Variants in ARID4B observed in about 807,000 individuals in gnomAD.
The protein encoded by ARID4B is AT-rich interactive domain-containing protein 4B.
ARID4B carries 26 observed loss-of-function variants against 147.5 expected under a neutral mutation model. The observed-to-expected ratio is 0.18, with a 90% CI of 0.13 to 0.24. The LOEUF is 0.24. Among genes scored for constraint, ARID4B ranks in the 10% least tolerant of loss-of-function variants. The probability of loss-of-function intolerance (pLI) is 1.00; values close to 1 mark genes in which losing one functional copy is unlikely to be tolerated. For synonymous variants in ARID4B, 512 were observed against 507.9 expected, an observed-to-expected ratio of 1.01 and a Z score of -0.11; for missense variants, 1,179 against 1,511.5, an observed-to-expected ratio of 0.78 and a Z score of 3.65.
intron 8 of ARID4B, among the ~76,000 whole-genome samples, chr1:235,237,639 ATT>A (rs987511378): frequency 4.6e-5 from 7 of 152,222 alleles, no homozygotes; most frequent in African/African-American, 1.4e-4. Flanking sequence ...TTTCTTTTTC[ATT>A]TGAGACCATG....
intron 2 of ARID4B, among the ~76,000 whole-genome samples, chr1:235,299,744 G>T (rs1197766192): frequency 6.6e-6 from 1 of 152,142 alleles, no homozygotes; most frequent in Non-Finnish European, 1.5e-5. Context: ...CAAGTTAGGG[G>T]GTTGGTCTAT....
intron 8 of ARID4B, among the ~76,000 whole-genome samples, chr1:235,236,833 A>ATATATATATATATATATATATGTATAT (rs1668597409): frequency 3.0e-5 from 1 of 33,520 alleles, no homozygotes; most frequent in African/African-American, 1.5e-4. Context: ...TTTTATAAAA[A>ATATATATATATATATATATATGTATAT]ATATATATAT....
At chr1:235,306,288 G>C (rs1673553841) in intron 2 of ARID4B, among the ~76,000 whole-genome samples, 1 of 152,102 alleles carries the variant, frequency 6.6e-6, no homozygotes, top group Non-Finnish European at 1.5e-5. Flanking sequence ...CAGATCACAA[G>C]GTCAGAAGAT....
At chr1:235,236,833 A>AAAAT (rs1175189621) in intron 8 of ARID4B, among the ~76,000 whole-genome samples, 8 of 33,518 alleles carry the variant, frequency 2.4e-4, no homozygotes, top group East Asian at 1.5e-3. Context: ...TTTTATAAAA[A>AAAAT]ATATATATAT....
At chr1:235,275,196 A>G (rs1031887852) in intron 2 of ARID4B, among the ~76,000 whole-genome samples, 8 of 152,218 alleles carry the variant, frequency 5.3e-5, no homozygotes, top group Non-Finnish European at 1.0e-4. Context: ...ACAAGTATCA[A>G]TTACAAGTTA....
chr1:235,246,584 A>G, intron 6 of ARID4B, 73 bp from the exon 7 acceptor site: 1 of 1,006,054 alleles, frequency 9.9e-7, no homozygotes, highest in Admixed American at 1.8e-5. Flanking sequence ...AACCAAATCA[A>G]TTTAAGAATA....
chr1:235,318,167 CCTTT>C (rs1417748336), intron 2 of ARID4B, among the ~76,000 whole-genome samples: 1 of 143,966 alleles, frequency 6.9e-6, no homozygotes, highest in East Asian at 2.0e-4. Context: ...ACTTGCTACT[CCTTT>C]TTTTTTTTTT....
At chr1:235,226,744 G>A (rs1243218600) in intron 11 of ARID4B, among the ~76,000 whole-genome samples, 1 of 152,082 alleles carries the variant, frequency 6.6e-6, no homozygotes, top group Admixed American at 6.5e-5. Flanking sequence ...GGATGGTCTC[G>A]ATCTCCTGAC....
In ARID4B at chr1:235,182,222, T is replaced by C. The variant is rs762008718; in HGVS notation, c.2697A>G (p.Ser899=). Residue 899 remains serine (S), a synonymous_variant, in exon 20 of 24, where the codon TCA becomes TCG. Coordinates refer to ENST00000264183, the MANE Select transcript of ARID4B (RefSeq NM_016374.6). The part of the protein sequence containing the change: ...LRTTGFYSGF[S]EVAEKRIKLL... ...GTTTAATCCTTTTTTCTGCCACTTC[T>C]GAAAATCCTGAATAGAAACCAGTTG... The C allele has an allele frequency of 6.2e-7, 1 of 1,613,526 alleles. No individual in the cohort carries two copies. The highest frequency in any genetic ancestry group is 8.5e-7 in the Non-Finnish European group (1 of 1,179,900).
At chr1:235,307,706 G>A (rs1673680461) in intron 2 of ARID4B, among the ~76,000 whole-genome samples, 1 of 152,146 alleles carries the variant, frequency 6.6e-6, no homozygotes, top group East Asian at 1.9e-4. Flanking sequence ...CAGGCTATAT[G>A]GGCCACAGTG....
intron 9 of ARID4B, among the ~76,000 whole-genome samples, chr1:235,232,914 G>A (rs982741244): frequency 1.3e-5 from 2 of 151,530 alleles, no homozygotes; most frequent in African/African-American, 2.4e-5. Context: ...TTCTGCTCAC[G>A]GCACCCTCCA....
intron 17 of ARID4B, among the ~76,000 whole-genome samples, chr1:235,201,509 A>G (rs1558195487): frequency 6.6e-6 from 1 of 152,078 alleles, no homozygotes; most frequent in Non-Finnish European, 1.5e-5. Context: ...TATTTTGTAG[A>G]GAGAGGGTGT....
At chr1:235,296,675 G>A (rs1162593524) in intron 2 of ARID4B, among the ~76,000 whole-genome samples, 3 of 150,828 alleles carry the variant, frequency 2.0e-5, no homozygotes, top group African/African-American at 7.3e-5. Flanking sequence ...GCCCAGGCTA[G>A]TCTCGAACTC....
intron 2 of ARID4B, among the ~76,000 whole-genome samples, chr1:235,320,082 G>A (rs1244555866): frequency 4.0e-5 from 6 of 150,184 alleles, no homozygotes; most frequent in East Asian, 1.9e-4. Context: ...AGCCGAGATC[G>A]TGCCATTGCA....
At chr1:235,279,973 T>C (rs1055164375) in intron 2 of ARID4B, among the ~76,000 whole-genome samples, 8 of 152,346 alleles carry the variant, frequency 5.3e-5, no homozygotes, top group South Asian at 2.1e-4. Context: ...CAATGTATCT[T>C]TTCCTTTTGC....
rs544830730 is a variant in ARID4B at position 235,169,578 on chromosome 1, C to G, written c.3812-926G>C. Among the ~76,000 whole-genome samples the G allele has an allele frequency of 4.0e-5, 6 of 151,788 alleles. No individual in the cohort carries two copies. In the South Asian group the frequency reaches 1.3e-3, roughly 32 times the overall value. On this transcript the variant is annotated intron_variant, in intron 23 of 23. Coordinates refer to ENST00000264183, the MANE Select transcript of ARID4B (RefSeq NM_016374.6). ...TGAGACGGAGTCTCACTCTGTCGCC[C>G]AGGCTGGAGTGCAGTGGTGCGATCT...
intron 8 of ARID4B, among the ~76,000 whole-genome samples, chr1:235,239,822 G>C (rs145541082): frequency 2.2e-3 from 336 of 152,204 alleles, no homozygotes; most frequent in African/African-American, 7.8e-3. Context: ...ACATTAAAAA[G>C]TAGGTAGAAT....
chr1:235,304,451 G>A (rs988660990), intron 2 of ARID4B, among the ~76,000 whole-genome samples: 1 of 152,172 alleles, frequency 6.6e-6, no homozygotes, highest in African/African-American at 2.4e-5. Flanking sequence ...ATTACTCAAG[G>A]TCCCTTTTCA....
At chr1:235,258,392 A>T (rs900746160) in intron 3 of ARID4B, among the ~76,000 whole-genome samples, 1 of 152,174 alleles carries the variant, frequency 6.6e-6, no homozygotes, top group Non-Finnish European at 1.5e-5. Context: ...AAGTTTACAG[A>T]GCTAGACATG....
Sources: allele counts gnomAD v4.1 joint callset (sites outside exome capture counted in the v4.1 genomes callset), GRCh38; gene constraint gnomAD v4.1.1; transcripts MANE v1.5; gene names NCBI Gene and HGNC (gene_info 2026-07-23, HGNC 2026-07-21).